PLCG2: variants seen among roughly 807,000 people sequenced by gnomAD.
PLCG2 encodes 1-phosphatidylinositol 4,5-bisphosphate phosphodiesterase gamma-2.
A neutral mutation model predicts 175.6 loss-of-function variants in PLCG2; 69 were observed. The observed-to-expected ratio is 0.39, with a 90% CI of 0.32 to 0.48. The LOEUF is 0.48. PLCG2 is among the 20% of genes least tolerant of loss of function. PLCG2 has a pLI of 0.91. For missense variants in PLCG2, 1,798 were observed against 1,650.9 expected (o/e 1.09, Z -1.54); for synonymous variants, 827 against 624.0 (o/e 1.33, Z -4.85).
intron 2 of PLCG2, among the ~76,000 whole-genome samples, chr16:81,831,689 G>A (rs578164894): frequency 2.0e-5 from 3 of 152,154 alleles, no homozygotes; most frequent in Non-Finnish European, 4.4e-5. Flanking sequence ...CCTTGTGTTA[G>A]GGGGAACTTA....
chr16:81,849,900 G>A (rs1227912730), intron 2 of PLCG2, among the ~76,000 whole-genome samples: 2 of 152,132 alleles, frequency 1.3e-5, no homozygotes, highest in Non-Finnish European at 2.9e-5. Flanking sequence ...ACTTTCACTG[G>A]CAGTCAACTG....
At chr16:81,954,813 T>A (rs1911502343) in intron 31 of PLCG2, among the ~76,000 whole-genome samples, 2 of 152,304 alleles carry the variant, frequency 1.3e-5, no homozygotes, top group South Asian at 2.1e-4. Flanking sequence ...TGTGCGTGGG[T>A]CTTTATAGTA....
chr16:81,782,301 CA>C (rs142612993), intron 1 of PLCG2, among the ~76,000 whole-genome samples: 5,296 of 151,778 alleles, frequency 0.035, 272 homozygotes, highest in African/African-American at 0.12. Context: ...CAAACTCAGC[CA>C]TATTTGTATT....
chr16:81,824,084 C>T (rs1284703829), intron 2 of PLCG2, among the ~76,000 whole-genome samples: 2 of 123,698 alleles, frequency 1.6e-5, no homozygotes, highest in African/African-American at 2.9e-5. Context: ...CTGTCCTGTC[C>T]TGTCCTGTCC....
At chr16:81,821,185 C>T (rs1233468153) in intron 2 of PLCG2, among the ~76,000 whole-genome samples, 3 of 152,238 alleles carry the variant, frequency 2.0e-5, no homozygotes, top group African/African-American at 2.4e-5. Flanking sequence ...CGTGAGCCGC[C>T]GTGCCTGGCC....
At chr16:81,875,122 C>G (rs1469070567) in intron 7 of PLCG2, among the ~76,000 whole-genome samples, 1 of 151,886 alleles carries the variant, frequency 6.6e-6, no homozygotes, top group Non-Finnish European at 1.5e-5. Context: ...CACCATCACG[C>G]CTGGCTAATT....
chr16:81,741,484 T>C (rs1909593174), intron 1 of PLCG2, among the ~76,000 whole-genome samples: 1 of 152,188 alleles, frequency 6.6e-6, no homozygotes, highest in African/African-American at 2.4e-5. Flanking sequence ...ATTTATGGGT[T>C]ACAGAGTGAC....
At position 81,962,124 on chromosome 16, in the gene PLCG2, T is replaced by C. The variant is rs1421341735; in HGVS notation, c.*4126T>C. The C allele has an allele frequency of 2.2e-5, 4 of 185,372 alleles. No homozygotes were observed. Among genetic ancestry groups the C allele is most frequent in the Non-Finnish European group, 4.6e-5 (4 of 87,088 alleles). The allele number at this position is 185,372 out of a possible 1,614,324, so 11.5% of individuals were successfully genotyped here. ...CGGTCTTCGGTCAAGGGTATACGAG[T>C]AGCTGCGCTCCCCTGCTGGAACCTC... On this transcript the variant is annotated 3_prime_UTR_variant, in exon 33 of 33. Coordinates refer to ENST00000564138, the MANE Select transcript of PLCG2 (RefSeq NM_002661.5).
chr16:81,739,233 CT>C, exon 1 of PLCG2: 1 of 152,140 alleles, frequency 6.6e-6, no homozygotes, highest in Non-Finnish European at 1.5e-5. Context: ...TAGTTCACCC[CT>C]AGCTTCTCCC....
chr16:81,802,717 A>G (rs1411608117), intron 2 of PLCG2, among the ~76,000 whole-genome samples: 2 of 151,546 alleles, frequency 1.3e-5, no homozygotes, highest in African/African-American at 4.8e-5. Context: ...GATTACAGGC[A>G]TGCGCCACCA....
At chr16:81,891,429 C>T in intron 10 of PLCG2, 43 bp from the exon 11 acceptor site, 2 of 1,074,558 alleles carry the variant, frequency 1.9e-6, no homozygotes, top group Non-Finnish European at 2.9e-6. Context: ...CACCATCCTG[C>T]CCGTCAACGT....
intron 2 of PLCG2, among the ~76,000 whole-genome samples, chr16:81,825,760 G>T (rs1905021294): frequency 6.6e-6 from 1 of 152,136 alleles, no homozygotes; most frequent in Admixed American, 6.5e-5. Context: ...GACCCATTCG[G>T]TAAATATTTA....
intron 19 of PLCG2, 48 bp downstream of exon 19, chr16:81,912,764 G>A (rs1200514271): frequency 1.3e-6 from 2 of 1,520,312 alleles, no homozygotes; most frequent in African/African-American, 1.4e-5. Context: ...GGCTTGGCAA[G>A]GACAGATGCG....
At position 81,937,753 on chromosome 16, in the gene PLCG2, C is replaced by T; in HGVS notation, c.3053-5C>T. The T allele has an allele frequency of 6.2e-7, 1 of 1,612,458 alleles. No individual in the cohort carries two copies. Among genetic ancestry groups the T allele is most frequent in the Non-Finnish European group, 8.5e-7 (1 of 1,179,120 alleles). ...CTTACAGCAGGCGTTCACTTTCCTT[C>T]CCAGATAAGTACATGCAGATGAATC... On this transcript the variant is annotated splice_polypyrimidine_tract_variant and splice_region_variant and intron_variant, in intron 27 of 32. Coordinates refer to ENST00000564138, the MANE Select transcript of PLCG2 (RefSeq NM_002661.5).
At chr16:81,930,762 A>AAT (rs1164218804) in intron 24 of PLCG2, among the ~76,000 whole-genome samples, 3 of 151,590 alleles carry the variant, frequency 2.0e-5, no homozygotes, top group Non-Finnish European at 4.4e-5. Flanking sequence ...AAAAAAAAAA[A>AAT]AGCCATTTAA....
At chr16:81,938,507 C>T in intron 28 of PLCG2, 1 of 435,296 alleles carries the variant, frequency 2.3e-6, no homozygotes, top group Non-Finnish European at 4.1e-6. Context: ...CTGCCTTGAT[C>T]AGAGGCACCT....
At chr16:81,750,392 C>A (rs1467020653) in intron 1 of PLCG2, among the ~76,000 whole-genome samples, 1 of 144,266 alleles carries the variant, frequency 6.9e-6, no homozygotes, top group Admixed American at 7.1e-5. Flanking sequence ...TGCACTCCAG[C>A]CTGGGTGGTG....
chr16:81,823,108 G>A (rs934176128), intron 2 of PLCG2, among the ~76,000 whole-genome samples: 1 of 152,258 alleles, frequency 6.6e-6, no homozygotes, highest in Non-Finnish European at 1.5e-5. Context: ...GGCCTATGTT[G>A]GCTGTGGTTT....
chr16:81,956,481 A>T (rs1459748534), intron 31 of PLCG2, among the ~76,000 whole-genome samples: 1 of 152,220 alleles, frequency 6.6e-6, no homozygotes, highest in Non-Finnish European at 1.5e-5. Flanking sequence ...CAGTGTAAAG[A>T]CCAAGCACTT....
Sources: allele counts gnomAD v4.1 joint callset (sites outside exome capture counted in the v4.1 genomes callset), GRCh38; gene constraint gnomAD v4.1.1; transcripts MANE v1.5; gene names NCBI Gene and HGNC (gene_info 2026-07-23, HGNC 2026-07-21).